MRPL49: variants seen among roughly 807,000 people sequenced by gnomAD.
MRPL49 encodes mitochondrial ribosomal protein L49.
MRPL49 carries 14 observed loss-of-function variants against 18.4 expected under a neutral mutation model. That is an observed-to-expected ratio of 0.76 (90% CI 0.50 to 1.19). MRPL49 has a LOEUF of 1.19. Among genes scored for constraint, MRPL49 ranks in the 50% most tolerant of loss-of-function variants. The pLI is 0.00. For missense variants in MRPL49, 190 were observed against 217.8 expected (o/e 0.87, Z 0.80); for synonymous variants, 104 against 86.2 (o/e 1.21, Z -1.14).
chr11:65,127,038 C>T lies in MRPL49; in HGVS notation c.*1166C>T, dbSNP rs1253933324. 5.7e-6 allele frequency: 4 copies of T among 702,352 alleles called. No individual in the cohort carries two copies. The highest frequency in any genetic ancestry group is 5.2e-5 in the African/African-American group (3 of 57,258). The allele number at this position is 702,352 out of a possible 1,614,324, so 43.5% of individuals were successfully genotyped here. A position where few individuals can be genotyped will look rare whatever the true frequency, so the allele number is the denominator to read the frequency against. ...CCCCCAAACTGGCTAAGACAGCTTTCAGTTCCTGACTCCCCAACTTGGTCT... is the reference window on the plus strand; with the variant it reads ...CCCCCAAACTGGCTAAGACAGCTTTTAGTTCCTGACTCCCCAACTTGGTCT... On this transcript the variant is annotated 3_prime_UTR_variant, in exon 4 of 4. Transcript: ENST00000279242.
At position 65,122,352 on chromosome 11, in the gene MRPL49, A is replaced by G. The variant is rs763849452; in HGVS notation, c.6A>G (p.Ala2=). M[A]ATMFRATLRG... ...GGCTGGCGTAGCAGGTAAAGATGGC[A>G]GCTACCATGTTCCGGGCTACGCTGC... The change falls in exon 1 of 4, where the codon GCA becomes GCG. Residue 2 remains alanine (A), a synonymous_variant. Coordinates refer to ENST00000279242, the MANE Select transcript of MRPL49 (RefSeq NM_004927.4). 5 of 1,612,678 alleles carry G rather than the reference A, an allele frequency of 3.1e-6. No individual in the cohort carries two copies. In the East Asian group the frequency reaches 6.7e-5, roughly 22 times the overall value.
intron 1 of MRPL49, 134 bp downstream of exon 1, chr11:65,122,558 C>T (rs1211249349): frequency 1.3e-5 from 10 of 773,286 alleles, no homozygotes; most frequent in African/African-American, 3.5e-5. Flanking sequence ...AGAACTTGTC[C>T]CGAGTGTACA....
chr11:65,124,876 C>G (rs188042304), intron 2 of MRPL49: 120 of 465,300 alleles, frequency 2.6e-4, no homozygotes, highest in African/African-American at 2.1e-3. Context: ...AGGTCTTCCC[C>G]ATATGGGGGA....
chr11:65,122,376 G>A lies in MRPL49; in HGVS notation c.30G>A (p.Leu10=), dbSNP rs200136221. MAATMFRAT[L]RGWRTGVQRG... ...CAGCTACCATGTTCCGGGCTACGCT[G>A]CGGGGATGGAGAACCGGTGTCCAGC... The change falls in exon 1 of 4, where the codon CTG becomes CTA. Residue 10 remains leucine (L), a synonymous_variant. Transcript: ENST00000279242. The A allele has an allele frequency of 2.5e-6, 4 of 1,613,190 alleles. No homozygotes were observed. In the African/African-American group the frequency reaches 5.3e-5, roughly 22 times the overall value.
At position 65,126,896 on chromosome 11, in the gene MRPL49, C is replaced by A; in HGVS notation, c.*1024C>A. On this transcript the variant is annotated 3_prime_UTR_variant, in exon 4 of 4. Transcript: ENST00000279242. Reference sequence around the variant, plus strand: ...GCAATCAAGGCTGGGGAGGGGTTTGCAGGCAGGAATATGCTGACCTTTCAC... The same window carrying A: ...GCAATCAAGGCTGGGGAGGGGTTTGAAGGCAGGAATATGCTGACCTTTCAC... 1.7e-6 allele frequency: 1 copy of A among 604,840 alleles called. No individual in the cohort carries two copies. Among genetic ancestry groups the A allele is most frequent in the South Asian group, 1.9e-5 (1 of 52,374 alleles). The allele number at this position is 604,840 out of a possible 1,614,324, so 37.5% of individuals were successfully genotyped here.
intron 2 of MRPL49, chr11:65,125,144 A>G (rs1948087590): frequency 2.8e-6 from 1 of 360,888 alleles, no homozygotes; most frequent in African/African-American, 2.2e-5. Flanking sequence ...GCAAATCCCA[A>G]TCTCTTTGTT....
At chr11:65,123,976 C>A (rs570248609) in intron 1 of MRPL49, among the ~76,000 whole-genome samples, 16 of 152,166 alleles carry the variant, frequency 1.1e-4, no homozygotes, top group African/African-American at 3.6e-4. Context: ...CAACCTCCAC[C>A]TCCTGGGTTC....
intron 1 of MRPL49, among the ~76,000 whole-genome samples, chr11:65,122,700 G>A (rs183884171): frequency 5.2e-4 from 78 of 150,804 alleles, no homozygotes; most frequent in Non-Finnish European, 9.1e-4. Context: ...TGTGCGTGGG[G>A]AATTATGATT....
Position 65,124,037 on chromosome 11 carries a change from ACCACCATGC to A in MRPL49, c.79-462_79-454del, listed in dbSNP as rs550462809. Among the ~76,000 whole-genome samples the A allele has an allele frequency of 1.6e-3, 242 of 152,046 alleles. 2 individuals are homozygous for A. The highest frequency in any genetic ancestry group is 5.7e-3 in the African/African-American group (235 of 41,474). On this transcript the variant is annotated intron_variant, in intron 1 of 3. Transcript: ENST00000279242. Reference sequence around the variant, plus strand: ...CAAGTAGCTGGGATTACAGGCATGCACCACCATGCCCGGCTAATTTTTGTATTTTCAGTA... The same window carrying A: ...CAAGTAGCTGGGATTACAGGCATGCACCGGCTAATTTTTGTATTTTCAGTA...
rs1948111905 is a variant in MRPL49 at position 65,127,196 on chromosome 11, G to T, written c.*1324G>T. 5 of 561,154 alleles carry T rather than the reference G, an allele frequency of 8.9e-6. No individual in the cohort carries two copies. Among genetic ancestry groups the T allele is most frequent in the Non-Finnish European group, 1.6e-5 (5 of 316,912 alleles). The allele number at this position is 561,154 out of a possible 1,614,324, so 34.8% of individuals were successfully genotyped here. A position where few individuals can be genotyped will look rare whatever the true frequency, so the allele number is the denominator to read the frequency against. ...TTCCATGGAAACCCTCACTCCTGGA[G>T]ATTCCATTCCATTTTCAAGTGTACA... On this transcript the variant is annotated 3_prime_UTR_variant, in exon 4 of 4. Transcript: ENST00000279242.
intron 2 of MRPL49, 142 bp downstream of exon 2, chr11:65,124,794 T>A: frequency 3.3e-6 from 3 of 904,370 alleles, no homozygotes; most frequent in Non-Finnish European, 4.9e-6. Flanking sequence ...ATCTGTCTCA[T>A]GCCCAAGGAA....
At chr11:65,122,718 T>C (rs1277068411) in intron 1 of MRPL49, among the ~76,000 whole-genome samples, 1 of 118,936 alleles carries the variant, frequency 8.4e-6, no homozygotes, top group Non-Finnish European at 1.9e-5. Flanking sequence ...ATTGCCTTAA[T>C]TCTTTTTTTT....
Position 65,122,332 on chromosome 11 carries a change from G to A in MRPL49, c.-15G>A. ...AGACAGTTGCGCGCACAGAAGGCTG[G>A]CGTAGCAGGTAAAGATGGCAGCTAC... On this transcript the variant is annotated 5_prime_UTR_variant, in exon 1 of 4. Coordinates refer to ENST00000279242, the MANE Select transcript of MRPL49 (RefSeq NM_004927.4). 6.2e-7 allele frequency: 1 copy of A among 1,610,506 alleles called. No homozygotes were observed. The highest frequency in any genetic ancestry group is 8.5e-7 in the Non-Finnish European group (1 of 1,178,810).
At position 65,126,025 on chromosome 11, in the gene MRPL49, GA is replaced by G; in HGVS notation, c.*157del. On this transcript the variant is annotated 3_prime_UTR_variant, in exon 4 of 4. Transcript: ENST00000279242. ...GGTCAGGCCTTGCTTGCATAAAGGA[GA>G]AAACAACTCTATGTACATGCTGGGG... 1 of 821,066 alleles carries G rather than the reference GA, an allele frequency of 1.2e-6. No individual in the cohort carries two copies. The highest frequency in any genetic ancestry group is 1.8e-6 in the Non-Finnish European group (1 of 541,118). The allele number at this position is 821,066 out of a possible 1,614,324, so 50.9% of individuals were successfully genotyped here.
chr11:65,124,866 A>G, intron 2 of MRPL49: 1 of 491,836 alleles, frequency 2.0e-6, no homozygotes, highest in South Asian at 3.8e-5. Flanking sequence ...TATTGAGATC[A>G]GGTCTTCCCC....
upstream of MRPL49, chr11:65,122,261 G>C: frequency 6.7e-7 from 1 of 1,485,744 alleles, no homozygotes; most frequent in Non-Finnish European, 9.2e-7. Flanking sequence ...CGCTCGCACC[G>C]GCGAACCTGC....
In MRPL49 at chr11:65,125,767, G is replaced by A. The variant is rs1565337919; in HGVS notation, c.396G>A (p.Leu132=). Residue 132 remains leucine, a synonymous_variant, in exon 4 of 4, where the codon CTG becomes CTA. Coordinates refer to ENST00000279242, the MANE Select transcript of MRPL49 (RefSeq NM_004927.4). The part of the protein sequence containing the change: ...KDVEDFLSPL[L]GKTPVTQVNE... ...TGGAAGATTTTCTGAGCCCGCTGCT[G>A]GGGAAGACACCTGTCACCCAGGTCA... 6.2e-7 allele frequency: 1 copy of A among 1,613,658 alleles called. No homozygotes were observed. The highest frequency in any genetic ancestry group is 1.1e-5 in the South Asian group (1 of 91,048).
chr11:65,122,201 G>T (rs748577558), upstream of MRPL49: 34 of 776,322 alleles, frequency 4.4e-5, 1 homozygote, highest in Non-Finnish European at 6.2e-5. Flanking sequence ...GCGACCGCGC[G>T]GTTCCCTGCT....
rs753867956 is a variant in MRPL49, at chr11:65,122,431, G to T, written c.78+7G>T. 1.1e-5 allele frequency: 18 copies of T among 1,610,536 alleles called. No homozygotes were observed. In the Admixed American group the frequency reaches 2.9e-4, roughly 26 times the overall value. ...CTGCGGGCTACGGCTGTTGGTGAGA[G>T]CGCTGAGCGAGGAGCTGAGGGCATC... On this transcript the variant is annotated splice_region_variant and intron_variant, in intron 1 of 3. Coordinates refer to ENST00000279242, the MANE Select transcript of MRPL49 (RefSeq NM_004927.4).
Sources: allele counts gnomAD v4.1 joint callset (sites outside exome capture counted in the v4.1 genomes callset), GRCh38; gene constraint gnomAD v4.1.1; transcripts MANE v1.5; gene names NCBI Gene and HGNC (gene_info 2026-07-23, HGNC 2026-07-21).